KCNH7: variants seen among roughly 807,000 people sequenced by gnomAD.
The protein encoded by KCNH7 is potassium voltage-gated channel subfamily H member 7, also known as voltage-gated inwardly rectifying potassium channel KCNH7.
KCNH7 carries 49 observed loss-of-function variants against 120.8 expected under a neutral mutation model. The observed-to-expected ratio is 0.41, with a 90% CI of 0.32 to 0.51. KCNH7 has a LOEUF of 0.51. KCNH7 is among the 20% of genes least tolerant of loss of function. The pLI is 0.38. For synonymous variants in KCNH7, 547 were observed against 516.1 expected, an observed-to-expected ratio of 1.06 and a Z score of -0.81; for missense variants, 1,097 against 1,446.6, an observed-to-expected ratio of 0.76 and a Z score of 3.92.
At chr2:162,829,939 G>T (rs1363314413) in intron 2 of KCNH7, among the ~76,000 whole-genome samples, 1 of 148,868 alleles carries the variant, frequency 6.7e-6, no homozygotes, top group African/African-American at 2.5e-5. Context: ...CTTCGTACTA[G>T]TTACCCTTCC....
intron 8 of KCNH7, among the ~76,000 whole-genome samples, chr2:162,430,378 T>C (rs548026379): frequency 2.6e-5 from 4 of 152,124 alleles, no homozygotes; most frequent in Admixed American, 6.6e-5. Flanking sequence ...AGGATACCTA[T>C]GTAGGTTTCT....
At chr2:162,685,561 C>A (rs1166575477) in intron 2 of KCNH7, among the ~76,000 whole-genome samples, 1 of 151,972 alleles carries the variant, frequency 6.6e-6, no homozygotes, top group Non-Finnish European at 1.5e-5. Flanking sequence ...ATGATGAAAT[C>A]CCATTCCAAA....
chr2:162,398,077 G>T (rs1184707750), intron 10 of KCNH7, among the ~76,000 whole-genome samples: 1 of 151,556 alleles, frequency 6.6e-6, no homozygotes, highest in Non-Finnish European at 1.5e-5. Flanking sequence ...CTGTACTTGT[G>T]GTATATATAC....
intron 2 of KCNH7, among the ~76,000 whole-genome samples, chr2:162,736,109 G>GC (rs11424212): frequency 0.11 from 16,428 of 152,052 alleles, 2,782 homozygotes; most frequent in African/African-American, 0.36. Flanking sequence ...TGCCAACCTG[G>GC]CCAGGTGGTG....
At chr2:162,728,981 G>A (rs1435369864) in intron 2 of KCNH7, among the ~76,000 whole-genome samples, 2 of 151,806 alleles carry the variant, frequency 1.3e-5, no homozygotes, top group Non-Finnish European at 2.9e-5. Flanking sequence ...ATGATGTGAA[G>A]TAAGGTTCAA....
chr2:162,816,436 G>A (rs1020203857), intron 2 of KCNH7, among the ~76,000 whole-genome samples: 1 of 152,046 alleles, frequency 6.6e-6, no homozygotes, highest in African/African-American at 2.4e-5. Flanking sequence ...AATAGAAAGT[G>A]GAAAAGTACA....
chr2:162,428,438 T>C (rs1298152646), intron 8 of KCNH7, among the ~76,000 whole-genome samples: 1 of 151,888 alleles, frequency 6.6e-6, no homozygotes, highest in Non-Finnish European at 1.5e-5. Flanking sequence ...TATTGAGACT[T>C]GTTTTGTAGC....
At chr2:162,490,535 G>C (rs1314156903) in intron 6 of KCNH7, among the ~76,000 whole-genome samples, 1 of 152,164 alleles carries the variant, frequency 6.6e-6, no homozygotes, top group Non-Finnish European at 1.5e-5. Flanking sequence ...AGGATGCCTG[G>C]AGGGTGAGTA....
In KCNH7 at chr2:162,521,211, G is replaced by A. The variant is rs1215733870; in HGVS notation, c.464-3053C>T. On this transcript the variant is annotated intron_variant, in intron 3 of 15. Coordinates refer to ENST00000332142, the MANE Select transcript of KCNH7 (RefSeq NM_033272.4). ...GGCCCCAGGCTATTTTGCTTACTTA[G>A]CATTGAGTCCCAGCTCTGACTGAAT... 4.0e-5 allele frequency among the ~76,000 whole-genome samples: 6 copies of A among 151,888 alleles called. No homozygotes were observed. In the East Asian group the frequency reaches 7.8e-4, roughly 20 times the overall value.
At chr2:162,423,657 C>A in intron 8 of KCNH7, 122 bp from the exon 9 acceptor site, 3 of 839,548 alleles carry the variant, frequency 3.6e-6, no homozygotes, top group Non-Finnish European at 3.5e-6. Flanking sequence ...CATTGGATCA[C>A]GGGGAAAAAA....
intron 2 of KCNH7, among the ~76,000 whole-genome samples, chr2:162,788,267 T>A (rs1683786238): frequency 6.6e-6 from 1 of 152,208 alleles, no homozygotes; most frequent in African/African-American, 2.4e-5. Flanking sequence ...TGACTTATGA[T>A]AGTTTTACCA....
chr2:162,699,064 T>C (rs1686398353), intron 2 of KCNH7, among the ~76,000 whole-genome samples: 1 of 152,134 alleles, frequency 6.6e-6, no homozygotes, highest in Admixed American at 6.6e-5. Flanking sequence ...CTCACATGCT[T>C]ATCATTTTTT....
intron 6 of KCNH7, among the ~76,000 whole-genome samples, chr2:162,464,999 C>T (rs1356923849): frequency 6.6e-6 from 1 of 152,006 alleles, no homozygotes; most frequent in East Asian, 1.9e-4. Context: ...TTTTTCTCTA[C>T]CATGATCATT....
At chr2:162,471,675 T>C (rs1163684563) in intron 6 of KCNH7, among the ~76,000 whole-genome samples, 4 of 152,202 alleles carry the variant, frequency 2.6e-5, no homozygotes, top group African/African-American at 4.8e-5. Context: ...AGGTAATTTA[T>C]AGATTCAATG....
chr2:162,732,981 C>A (rs1393139296), intron 2 of KCNH7, among the ~76,000 whole-genome samples: 1 of 152,168 alleles, frequency 6.6e-6, no homozygotes, highest in East Asian at 1.9e-4. Context: ...ATATAAAATT[C>A]CAGATTCAGA....
intron 14 of KCNH7, among the ~76,000 whole-genome samples, chr2:162,378,492 G>A (rs1297082712): frequency 6.6e-6 from 1 of 152,166 alleles, no homozygotes; most frequent in African/African-American, 2.4e-5. Flanking sequence ...AGTAGTTTGT[G>A]ATATAGGCAA....
rs944582998 is a variant in KCNH7, at chr2:162,746,085, T to C, written c.307+90452A>G. ...TAAAATGTCACTGTTGTAGTCCCTA[T>C]ATTTGAATATCTTTAAAAATAAGTA... is the stretch of plus-strand genomic sequence containing the variant. On this transcript the variant is annotated intron_variant, in intron 2 of 15. Transcript: ENST00000332142. 3.9e-5 allele frequency among the ~76,000 whole-genome samples: 6 copies of C among 152,244 alleles called. No individual in the cohort carries two copies. In the South Asian group the frequency reaches 1.2e-3, roughly 32 times the overall value.
chr2:162,747,491 G>A (rs1283887469), intron 2 of KCNH7, among the ~76,000 whole-genome samples: 1 of 152,154 alleles, frequency 6.6e-6, no homozygotes, highest in Non-Finnish European at 1.5e-5. Flanking sequence ...TTGTTGATGT[G>A]TTTAAAAAGT....
chr2:162,814,869 C>G (rs1684864600), intron 2 of KCNH7, among the ~76,000 whole-genome samples: 1 of 152,060 alleles, frequency 6.6e-6, no homozygotes. Context: ...TCTATTATTC[C>G]AAGCCTTCTA....
Sources: allele counts gnomAD v4.1 joint callset (sites outside exome capture counted in the v4.1 genomes callset), GRCh38; gene constraint gnomAD v4.1.1; transcripts MANE v1.5; gene names NCBI Gene and HGNC (gene_info 2026-07-23, HGNC 2026-07-21).